The following ERC1 variants were observed in gnomAD, a reference collection of about 807,000 sequenced individuals.
ERC1 encodes the protein RAB6 interacting protein 2.
A neutral mutation model predicts 132.0 loss-of-function variants in ERC1; 56 were observed. The observed-to-expected ratio is 0.42, with a 90% CI of 0.34 to 0.53. The LOEUF (loss-of-function observed/expected upper bound fraction) is 0.53. Among genes scored for constraint, ERC1 ranks in the 20% least tolerant of loss-of-function variants. The probability of loss-of-function intolerance (pLI) is 0.03; values close to 1 mark genes in which losing one functional copy is unlikely to be tolerated. For synonymous variants in ERC1, 478 were observed against 476.1 expected (o/e 1.00, Z -0.05); for missense variants, 1,202 against 1,349.9 (o/e 0.89, Z 1.72).
intron 8 of ERC1, among the ~76,000 whole-genome samples, chr12:1,147,425 T>A (rs1323866672): frequency 6.6e-6 from 1 of 152,226 alleles, no homozygotes; most frequent in African/African-American, 2.4e-5. Flanking sequence ...TCAATAGTAA[T>A]ATTTTCAAGT....
At chr12:1,102,992 C>G (rs1944846054) in intron 3 of ERC1, among the ~76,000 whole-genome samples, 1 of 152,186 alleles carries the variant, frequency 6.6e-6, no homozygotes, top group South Asian at 2.1e-4. Flanking sequence ...GCCACACTTC[C>G]TCCATGTATT....
At chr12:1,188,368 A>C (rs189954143) in intron 11 of ERC1, among the ~76,000 whole-genome samples, 36 of 151,910 alleles carry the variant, frequency 2.4e-4, no homozygotes, top group Non-Finnish European at 4.4e-4. Context: ...CTCCTTTTCT[A>C]TTAGATATAT....
chr12:1,410,532 C>A (rs889108587), intron 17 of ERC1: 5 of 479,172 alleles, frequency 1.0e-5, no homozygotes, highest in African/African-American at 6.1e-5. Flanking sequence ...ACTCTCACAT[C>A]TCATTTCTCT....
At chr12:1,045,222 T>G (rs1374213145) in intron 2 of ERC1, among the ~76,000 whole-genome samples, 2 of 152,156 alleles carry the variant, frequency 1.3e-5, no homozygotes, top group Non-Finnish European at 2.9e-5. Flanking sequence ...CACTAAAAGG[T>G]ATACTTTGCT....
intron 18 of ERC1, among the ~76,000 whole-genome samples, chr12:1,483,941 G>A (rs1213903519): frequency 1.3e-5 from 2 of 151,574 alleles, no homozygotes; most frequent in Admixed American, 6.6e-5. Flanking sequence ...TGATCCACCT[G>A]CCTCGGCCTC....
At chr12:1,068,808 A>G (rs967912949) in intron 2 of ERC1, among the ~76,000 whole-genome samples, 8 of 152,160 alleles carry the variant, frequency 5.3e-5, no homozygotes, top group Non-Finnish European at 2.9e-5. Flanking sequence ...GCCTTCTTAC[A>G]CTGTGTTCTC....
At chr12:1,319,971 T>C (rs1320609270) in intron 15 of ERC1, among the ~76,000 whole-genome samples, 1 of 152,210 alleles carries the variant, frequency 6.6e-6, no homozygotes, top group East Asian at 1.9e-4. Context: ...ATGTTAGATA[T>C]ATTGTTCTGC....
rs184961905 is a variant in ERC1, at chr12:1,415,410, A to C, written c.3024+7163A>C. Among the ~76,000 whole-genome samples the C allele has an allele frequency of 1.6e-4, 24 of 152,350 alleles. No homozygotes were observed. The East Asian group carries it at 4.6e-3, about 29-fold the overall frequency. Reference sequence around the variant, plus strand: ...AAAACAGGATTTGGACCAGTATGCTAGACTTTTCTTTTTCATTAGAGATGA... The same window carrying C: ...AAAACAGGATTTGGACCAGTATGCTCGACTTTTCTTTTTCATTAGAGATGA... On this transcript the variant is annotated intron_variant, in intron 17 of 18. Transcript: ENST00000360905.
intron 12 of ERC1, among the ~76,000 whole-genome samples, chr12:1,221,701 T>C (rs1208421420): frequency 1.3e-5 from 2 of 152,212 alleles, no homozygotes; most frequent in African/African-American, 2.4e-5. Flanking sequence ...CATTTTATTT[T>C]TAGTTTTTTG....
chr12:1,323,636 T>C lies in ERC1; in HGVS notation c.2780+33624T>C, dbSNP rs114541517. Among the ~76,000 whole-genome samples, 302 of 152,308 alleles carry C rather than the reference T, an allele frequency of 2.0e-3. 1 individual carries two copies. Among genetic ancestry groups the C allele is most frequent in the African/African-American group, 7.0e-3 (291 of 41,566 alleles). ...TTACATATTACACCTAGAGTTCGTT[T>C]TCTCATTGTTCTTTTAAGTTTTTTT... On this transcript the variant is annotated intron_variant, in intron 15 of 18. Coordinates refer to ENST00000360905, the MANE Select transcript of ERC1 (RefSeq NM_178040.4).
At chr12:1,120,903 T>C (rs1467178809) in intron 7 of ERC1, among the ~76,000 whole-genome samples, 1 of 152,186 alleles carries the variant, frequency 6.6e-6, no homozygotes, top group African/African-American at 2.4e-5. Context: ...GCTAGGATGC[T>C]GTTGTTTGAC....
intron 8 of ERC1, among the ~76,000 whole-genome samples, chr12:1,169,552 C>T (rs1241290308): frequency 2.6e-5 from 4 of 152,172 alleles, no homozygotes; most frequent in African/African-American, 7.2e-5. Flanking sequence ...TAATAAACTT[C>T]TTGCATAATA....
intron 15 of ERC1, among the ~76,000 whole-genome samples, chr12:1,330,590 C>T (rs1566603868): frequency 6.6e-6 from 1 of 152,062 alleles, no homozygotes; most frequent in Admixed American, 6.6e-5. Context: ...AGTACCTCTA[C>T]TCTTCCTTCC....
At chr12:1,169,330 C>T (rs530344782) in intron 8 of ERC1, among the ~76,000 whole-genome samples, 3 of 152,230 alleles carry the variant, frequency 2.0e-5, no homozygotes, top group East Asian at 3.9e-4. Context: ...CCACCTTGCC[C>T]GAGGGCAAGC....
intron 15 of ERC1, among the ~76,000 whole-genome samples, chr12:1,359,808 T>A (rs893824902): frequency 6.6e-6 from 1 of 152,256 alleles, no homozygotes; most frequent in African/African-American, 2.4e-5. Flanking sequence ...TCCCTACATA[T>A]TATATTGAAA....
At chr12:1,370,642 A>G (rs73040872) in intron 15 of ERC1, among the ~76,000 whole-genome samples, 9,211 of 152,326 alleles carry the variant, frequency 0.06, 317 homozygotes, top group South Asian at 0.12. Context: ...AAATTCAACT[A>G]CAACTATAGG....
At chr12:1,047,270 A>G (rs1262784476) in intron 2 of ERC1, among the ~76,000 whole-genome samples, 1 of 152,208 alleles carries the variant, frequency 6.6e-6, no homozygotes, top group Non-Finnish European at 1.5e-5. Flanking sequence ...TAAGGAGCAT[A>G]AGGCATAAGC....
intron 7 of ERC1, among the ~76,000 whole-genome samples, chr12:1,131,160 T>A (rs943477804): frequency 1.3e-5 from 2 of 152,188 alleles, no homozygotes; most frequent in Non-Finnish European, 2.9e-5. Flanking sequence ...TAGAACTAGT[T>A]GGGGCCAGGA....
intron 15 of ERC1, among the ~76,000 whole-genome samples, chr12:1,334,253 A>G (rs1436222071): frequency 6.6e-6 from 1 of 152,098 alleles, no homozygotes; most frequent in Non-Finnish European, 1.5e-5. Context: ...CCTGTTCATC[A>G]ATTTTTGCTT....
Sources: gnomAD v4.1 joint callset for allele counts (sites outside exome capture counted in the v4.1 genomes callset) on GRCh38, gnomAD v4.1.1 for gene constraint, MANE v1.5 for transcripts, NCBI Gene and HGNC (gene_info 2026-07-23, HGNC 2026-07-21) for gene names.